FBXO38: variants seen among roughly 807,000 people sequenced by gnomAD.
The protein encoded by FBXO38 is F-box protein 38, also known as F-box only protein 38.
In FBXO38, 53 loss-of-function variants were observed where a neutral mutation model predicts 131.9. The observed-to-expected ratio is 0.40, with a 90% CI of 0.32 to 0.51. The LOEUF (loss-of-function observed/expected upper bound fraction) is 0.51. Ranked by LOEUF, FBXO38 falls within the 20% of genes least tolerant of loss-of-function variation. FBXO38 has a pLI of 0.53. For missense variants in FBXO38, 1,076 were observed against 1,475.6 expected (o/e 0.73, Z 4.44); for synonymous variants, 452 against 505.6 (o/e 0.89, Z 1.42).
intron 14 of FBXO38, among the ~76,000 whole-genome samples, chr5:148,426,310 G>T (rs1753712305): frequency 6.6e-6 from 1 of 152,118 alleles, no homozygotes; most frequent in Non-Finnish European, 1.5e-5. Context: ...AAATTGTGCA[G>T]TCATTTTTCC....
chr5:148,413,783 TTTG>T (rs1197256429), intron 9 of FBXO38: 2 of 166,364 alleles, frequency 1.2e-5, no homozygotes, highest in African/African-American at 2.4e-5. Context: ...TTTTTAAGAT[TTTG>T]TTTTCCTTTT....
chr5:148,401,875 A>G (rs1752172735), intron 3 of FBXO38, 107 bp from the exon 4 acceptor site: 3 of 1,051,436 alleles, frequency 2.9e-6, no homozygotes, highest in South Asian at 3.6e-5. Context: ...CTTTACGGAA[A>G]TTTGAAGAGG....
chr5:148,406,967 G>A (rs1752479782), intron 7 of FBXO38, among the ~76,000 whole-genome samples: 1 of 152,056 alleles, frequency 6.6e-6, no homozygotes, highest in African/African-American at 2.4e-5. Flanking sequence ...AAAAAATAGT[G>A]GTTTAGCAAA....
intron 20 of FBXO38, among the ~76,000 whole-genome samples, 180 bp downstream of exon 20, chr5:148,440,707 T>C (rs1014541181): frequency 2.6e-5 from 4 of 151,778 alleles, no homozygotes; most frequent in Admixed American, 6.5e-5. Flanking sequence ...ATCAATCAAT[T>C]AGTCAAACTG....
Position 148,416,972 on chromosome 5 carries a change from ATG to A in FBXO38, c.1408-18_1408-17del, listed in dbSNP as rs1178726465. On this transcript the variant is annotated intron_variant, in intron 11 of 21. Transcript: ENST00000340253. Reference sequence around the variant, plus strand: ...TATACTAACCCAAATTAATAAACGTATGTGTTTTGGTTTTGCCTTAGGGTTGT... The same window carrying A: ...TATACTAACCCAAATTAATAAACGTATGTTTTGGTTTTGCCTTAGGGTTGT... 2.6e-6 allele frequency: 4 copies of A among 1,530,534 alleles called. No homozygotes were observed. Among genetic ancestry groups the A allele is most frequent in the African/African-American group, 2.7e-5 (2 of 73,344 alleles). The allele number at this position is 1,530,534 out of a possible 1,614,324, so 94.8% of individuals were successfully genotyped here. A position where few individuals can be genotyped will look rare whatever the true frequency, so the allele number is the denominator to read the frequency against.
At chr5:148,404,919 C>T (rs1752353862) in intron 6 of FBXO38, 97 bp downstream of exon 6, 1 of 1,076,972 alleles carries the variant, frequency 9.3e-7, no homozygotes, top group Middle Eastern at 2.9e-4. Flanking sequence ...TTATATTATG[C>T]TATTACTATT....
intron 9 of FBXO38, among the ~76,000 whole-genome samples, chr5:148,411,057 A>G (rs1378715069): frequency 6.6e-6 from 1 of 152,032 alleles, no homozygotes; most frequent in Non-Finnish European, 1.5e-5. Flanking sequence ...TTTCTTTCCC[A>G]TTCTGCTTCA....
rs973407010 is a variant in FBXO38, at chr5:148,439,801, C to T, written c.3170+9C>T. On this transcript the variant is annotated intron_variant, in intron 19 of 21. Transcript: ENST00000340253. ...ATAGCAAACATCAATCAGTAAGTAA[C>T]TTTGTGGCCCTTAAAGGCCTTTTGA... is the stretch of plus-strand genomic sequence containing the variant. The T allele has an allele frequency of 1.9e-6, 3 of 1,613,570 alleles. No homozygotes were observed. The highest frequency in any genetic ancestry group is 2.5e-6 in the Non-Finnish European group (3 of 1,179,650).
At chr5:148,427,135 T>G in intron 14 of FBXO38, 78 bp from the exon 15 acceptor site, 1 of 1,490,570 alleles carries the variant, frequency 6.7e-7, no homozygotes, top group African/African-American at 1.4e-5. Context: ...CTGTTCCAAA[T>G]TTACTCTTGC....
chr5:148,434,388 C>G (rs1754224994), intron 17 of FBXO38: 1 of 152,092 alleles, frequency 6.6e-6, no homozygotes, highest in Admixed American at 6.5e-5. Flanking sequence ...TATAATTGAT[C>G]TATTAATTTT....
intron 15 of FBXO38, 85 bp from the exon 16 acceptor site, chr5:148,433,339 A>G: frequency 2.3e-6 from 2 of 870,074 alleles, no homozygotes; most frequent in South Asian, 3.1e-5. Context: ...TACCTTGATT[A>G]TGTTCATACG....
intron 15 of FBXO38, among the ~76,000 whole-genome samples, chr5:148,428,857 G>A (rs189700233): frequency 1.3e-5 from 2 of 152,338 alleles, no homozygotes; most frequent in East Asian, 3.9e-4. Context: ...TAAACTCATT[G>A]AAATATATGA....
chr5:148,422,869 C>A (rs1753517459), intron 12 of FBXO38, among the ~76,000 whole-genome samples: 1 of 152,142 alleles, frequency 6.6e-6, no homozygotes, highest in African/African-American at 2.4e-5. Flanking sequence ...GCAAGGCTTT[C>A]CAAGCTTTTA....
chr5:148,392,580 T>TG (rs1581221636), intron 1 of FBXO38, among the ~76,000 whole-genome samples: 6 of 133,564 alleles, frequency 4.5e-5, no homozygotes, highest in South Asian at 2.5e-4. Flanking sequence ...TTTGCTTTTC[T>TG]TTGTGTGTGT....
At chr5:148,399,195 A>T in intron 3 of FBXO38, 63 bp downstream of exon 3, 4 of 1,574,254 alleles carry the variant, frequency 2.5e-6, no homozygotes, top group South Asian at 1.1e-5. Flanking sequence ...CAATGGTTTC[A>T]TAAAAAGTTA....
chr5:148,423,139 G>C (rs536060326), intron 12 of FBXO38, among the ~76,000 whole-genome samples: 2 of 152,226 alleles, frequency 1.3e-5, no homozygotes, highest in South Asian at 4.2e-4. Context: ...AACTGTTATA[G>C]CTCTTAGCAA....
At chr5:148,417,287 C>T (rs934858278) in intron 12 of FBXO38, 83 bp downstream of exon 12, 9 of 996,498 alleles carry the variant, frequency 9.0e-6, no homozygotes, top group Middle Eastern at 2.2e-4. Flanking sequence ...TTCCCTTTTT[C>T]CCCTGTTTCA....
intron 15 of FBXO38, among the ~76,000 whole-genome samples, chr5:148,432,379 G>A (rs1754084369): frequency 6.6e-6 from 1 of 152,164 alleles, no homozygotes; most frequent in South Asian, 2.1e-4. Context: ...ATAAGTTAGG[G>A]CATTATTAAC....
rs764041718 is a variant in FBXO38, at chr5:148,414,233, A to G, written c.1191A>G (p.Glu397=). 2.7e-5 allele frequency: 43 copies of G among 1,612,934 alleles called. No individual in the cohort carries two copies. Among genetic ancestry groups the G allele is most frequent in the Non-Finnish European group, 3.5e-5 (41 of 1,179,472 alleles). ...ITDIGMKAVN[E]VFSCIKYLAI... is the part of the protein sequence containing the mutation. ...ATATAGGGATGAAAGCAGTCAATGA[A>G]GTTTTTTCCTGTATCAAATATCTGG... is the stretch of plus-strand genomic sequence containing the variant. The change falls in exon 10 of 22, where the codon GAA becomes GAG. Residue 397 remains glutamate, a synonymous_variant. Transcript: ENST00000340253.
Sources: gnomAD v4.1 joint callset for allele counts (sites outside exome capture counted in the v4.1 genomes callset) on GRCh38, gnomAD v4.1.1 for gene constraint, MANE v1.5 for transcripts, NCBI Gene and HGNC (gene_info 2026-07-23, HGNC 2026-07-21) for gene names.